Variants in ADAMTS6 observed in about 807,000 individuals in gnomAD.
ADAMTS6 encodes the protein A disintegrin and metalloproteinase with thrombospondin motifs 6.
In ADAMTS6, 23 loss-of-function variants were observed where a neutral mutation model predicts 144.3. The ratio of observed to expected loss-of-function variants is 0.16; its 90% CI spans 0.11 to 0.23. ADAMTS6 has a LOEUF of 0.23. Among genes scored for constraint, ADAMTS6 ranks in the 10% least tolerant of loss-of-function variants. The pLI is 1.00. For missense variants in ADAMTS6, 999 were observed against 1,379.6 expected, an observed-to-expected ratio of 0.72 and a Z score of 4.37; for synonymous variants, 444 against 457.5, an observed-to-expected ratio of 0.97 and a Z score of 0.38.
rs563757373 is a variant in ADAMTS6 at position 65,406,419 on chromosome 5, CT to C, written c.1073+45055del. On this transcript the variant is annotated intron_variant, in intron 7 of 24. Transcript: ENST00000381055. ...ATTGAGATAATCATGTGGTTTTTGTCTTTGGTTCTGTTTATATGATGGATTA... is the reference window on the plus strand; with the variant it reads ...ATTGAGATAATCATGTGGTTTTTGTCTTGGTTCTGTTTATATGATGGATTA... Among the ~76,000 whole-genome samples, 13 of 151,862 alleles carry C rather than the reference CT, an allele frequency of 8.6e-5. 1 individual carries two copies. In the South Asian group the frequency reaches 2.7e-3, roughly 32 times the overall value.
intron 7 of ADAMTS6, among the ~76,000 whole-genome samples, chr5:65,390,031 A>G (rs1752787338): frequency 6.6e-6 from 1 of 152,224 alleles, no homozygotes; most frequent in Admixed American, 6.5e-5. Context: ...TTAACAGATT[A>G]TATAGTAATT....
At chr5:65,280,517 A>G (rs1406187078) in intron 11 of ADAMTS6, among the ~76,000 whole-genome samples, 1 of 152,210 alleles carries the variant, frequency 6.6e-6, no homozygotes, top group Admixed American at 6.5e-5. Context: ...GCTATAGACT[A>G]TATCTTTAAA....
intron 9 of ADAMTS6, among the ~76,000 whole-genome samples, chr5:65,300,852 C>T (rs1427104541): frequency 6.6e-6 from 1 of 151,992 alleles, no homozygotes; most frequent in African/African-American, 2.4e-5. Flanking sequence ...AGGATGGTCT[C>T]GATCTCCTGA....
intron 7 of ADAMTS6, among the ~76,000 whole-genome samples, chr5:65,400,523 T>C (rs535406938): frequency 4.6e-5 from 7 of 152,342 alleles, no homozygotes; most frequent in African/African-American, 1.4e-4. Context: ...GCTAGGTTTT[T>C]TCTTATTCTG....
Position 65,301,077 on chromosome 5 carries a change from T to A in ADAMTS6, c.1224-946A>T, listed in dbSNP as rs12656665. Among the ~76,000 whole-genome samples the A allele has an allele frequency of 1.1e-3, 173 of 152,348 alleles. 2 individuals are homozygous for A. The East Asian group carries it at 0.02, about 18-fold the overall frequency. The stretch of plus-strand genomic sequence containing the variant: ...TTTTTATCGTAGCCTCCTTCATTTT[T>A]AAAATATTTTGTTTGTCATTTTTTT... On this transcript the variant is annotated intron_variant, in intron 9 of 24. Coordinates refer to ENST00000381055, the MANE Select transcript of ADAMTS6 (RefSeq NM_197941.4).
intron 11 of ADAMTS6, among the ~76,000 whole-genome samples, chr5:65,280,854 G>A (rs1762932223): frequency 1.3e-5 from 2 of 152,138 alleles, no homozygotes; most frequent in African/African-American, 4.8e-5. Context: ...CAACCTAGAG[G>A]AGAAGTCAGT....
intron 20 of ADAMTS6, among the ~76,000 whole-genome samples, chr5:65,213,023 T>C (rs1484687998): frequency 6.6e-6 from 1 of 152,238 alleles, no homozygotes; most frequent in East Asian, 1.9e-4. Flanking sequence ...GATAGATATA[T>C]GTATAAATGC....
chr5:65,324,759 T>C (rs1416411033), intron 9 of ADAMTS6, among the ~76,000 whole-genome samples: 1 of 152,146 alleles, frequency 6.6e-6, no homozygotes, highest in Non-Finnish European at 1.5e-5. Context: ...ATATATGAGT[T>C]ATGTATATGA....
intron 7 of ADAMTS6, among the ~76,000 whole-genome samples, chr5:65,433,171 G>A (rs768584007): frequency 1.4e-4 from 22 of 152,032 alleles, no homozygotes; most frequent in African/African-American, 3.4e-4. Context: ...ATGCTTGGAC[G>A]CTTCTCCATG....
chr5:65,331,882 CAAG>C (rs752105812), intron 8 of ADAMTS6, among the ~76,000 whole-genome samples: 1 of 151,744 alleles, frequency 6.6e-6, no homozygotes, highest in Non-Finnish European at 1.5e-5. Flanking sequence ...TCAGTTTTCA[CAAG>C]AAGTAGTATA....
intron 7 of ADAMTS6, among the ~76,000 whole-genome samples, chr5:65,411,709 G>A (rs1175424090): frequency 6.6e-6 from 1 of 152,196 alleles, no homozygotes; most frequent in African/African-American, 2.4e-5. Context: ...TAAAGGGAAG[G>A]AGGAAGAGAG....
In ADAMTS6 at chr5:65,256,957, CTT is replaced by C. The variant is rs202191087; in HGVS notation, c.1830+3641_1830+3642del. On this transcript the variant is annotated intron_variant, in intron 14 of 24. Transcript: ENST00000381055. ...TATCTGGTTTAATAAATAAGGGTCA[CTT>C]TTTCTCTCTCTCTCTCTCTCTCTCT... 5.6e-3 allele frequency among the ~76,000 whole-genome samples: 763 copies of C among 135,750 alleles called. 15 individuals are homozygous for C. The highest frequency in any genetic ancestry group is 0.017 in the African/African-American group (580 of 35,040). 89.1% of individuals were successfully genotyped at this position (135,750 alleles called of 152,430 possible). A position where few individuals can be genotyped will look rare whatever the true frequency, so the allele number is the denominator to read the frequency against.
chr5:65,458,876 T>C (rs1364456472), intron 4 of ADAMTS6, among the ~76,000 whole-genome samples: 2 of 152,222 alleles, frequency 1.3e-5, no homozygotes, highest in African/African-American at 2.4e-5. Flanking sequence ...CTAGAAACAG[T>C]CATCTTAATG....
intron 7 of ADAMTS6, among the ~76,000 whole-genome samples, chr5:65,426,213 AT>A (rs150746408): frequency 0.39 from 53,977 of 140,132 alleles, 10,306 homozygotes; most frequent in South Asian, 0.46. Flanking sequence ...TGCCTGGCTA[AT>A]TTTTTTTTTT....
chr5:65,452,363 C>T (rs974946411), intron 5 of ADAMTS6, 147 bp from the exon 6 acceptor site: 8 of 631,926 alleles, frequency 1.3e-5, no homozygotes, highest in Non-Finnish European at 1.9e-5. Flanking sequence ...CTTCAAGGTG[C>T]CTTGGTAAAA....
intron 7 of ADAMTS6, among the ~76,000 whole-genome samples, chr5:65,356,848 T>A (rs781414183): frequency 6.6e-5 from 10 of 151,904 alleles, no homozygotes; most frequent in Admixed American, 5.3e-4. Context: ...AGAATAAGCA[T>A]TGAAGGTGTT....
Position 65,471,120 on chromosome 5 carries a change from T to C in ADAMTS6, c.120A>G (p.Glu40=), listed in dbSNP as rs771722025. ...TTATTGGAATAGTTAGCTGGTAGTG[T>C]TCAAGATAAGTCAGGAATTCCTCTT... ...SSQEEFLTYL[E]HYQLTIPIRV... The change falls in exon 3 of 25, where the codon GAA becomes GAG. Residue 40 remains glutamate (E), a synonymous_variant. Transcript: ENST00000381055. 12 of 1,599,980 alleles carry C rather than the reference T, an allele frequency of 7.5e-6. No homozygotes were observed. Among genetic ancestry groups the C allele is most frequent in the Non-Finnish European group, 1.0e-5 (12 of 1,175,926 alleles).
intron 17 of ADAMTS6, 119 bp from the exon 18 acceptor site, chr5:65,224,519 G>T: frequency 2.3e-6 from 2 of 878,236 alleles, no homozygotes; most frequent in Non-Finnish European, 1.8e-6. Flanking sequence ...TGCATTTTAT[G>T]AATTATGAAA....
chr5:65,233,982 T>C (rs1758459046), intron 15 of ADAMTS6, among the ~76,000 whole-genome samples: 1 of 150,744 alleles, frequency 6.6e-6, no homozygotes, highest in African/African-American at 2.4e-5. Flanking sequence ...CATGCATATA[T>C]AGTCAACTAA....
Sources: gnomAD v4.1 joint callset for allele counts (sites outside exome capture counted in the v4.1 genomes callset) on GRCh38, gnomAD v4.1.1 for gene constraint, MANE v1.5 for transcripts, NCBI Gene and HGNC (gene_info 2026-07-23, HGNC 2026-07-21) for gene names.